The following PEX5L variants were observed in gnomAD, a reference collection of about 807,000 sequenced individuals.
PEX5L encodes PEX5-related protein.
In PEX5L, 30 loss-of-function variants were observed where a neutral mutation model predicts 84.0. The ratio of observed to expected loss-of-function variants is 0.36; its 90% CI spans 0.27 to 0.48. The LOEUF (loss-of-function observed/expected upper bound fraction) is 0.48, where lower values mean the gene tolerates loss of function less well. Ranked by LOEUF, PEX5L falls within the 20% of genes least tolerant of loss-of-function variation. The pLI, the probability that PEX5L is intolerant of heterozygous loss-of-function variation, is 0.99. For missense variants in PEX5L, 533 were observed against 754.6 expected (o/e 0.71, Z 3.44); for synonymous variants, 270 against 283.1 (o/e 0.95, Z 0.46).
Position 179,984,029 on chromosome 3 carries a change from G to T in PEX5L, c.22-12364C>A, listed in dbSNP as rs186365459. ...ATTCAAAGTGTAAGGGAGACCAATGGATGTTAACATAAAGAGTGTACCAAA... is the reference window on the plus strand; with the variant it reads ...ATTCAAAGTGTAAGGGAGACCAATGTATGTTAACATAAAGAGTGTACCAAA... On this transcript the variant is annotated intron_variant, in intron 1 of 14. Transcript: ENST00000467460. 3.9e-5 allele frequency among the ~76,000 whole-genome samples: 6 copies of T among 152,138 alleles called. No individual in the cohort carries two copies. The East Asian group carries it at 1.2e-3, about 29-fold the overall frequency.
At chr3:179,847,877 T>C (rs541939527) in intron 8 of PEX5L, among the ~76,000 whole-genome samples, 2 of 152,240 alleles carry the variant, frequency 1.3e-5, no homozygotes, top group South Asian at 4.1e-4. Flanking sequence ...TTTAGATCTT[T>C]TGTAGAGATA....
chr3:179,898,045 T>G, intron 3 of PEX5L, 97 bp downstream of exon 3: 1 of 682,160 alleles, frequency 1.5e-6, no homozygotes, highest in Non-Finnish European at 2.3e-6. Context: ...AAAAAATTGG[T>G]TCAAGAGTTA....
chr3:179,954,054 T>C (rs1779821521), intron 2 of PEX5L, among the ~76,000 whole-genome samples: 1 of 152,166 alleles, frequency 6.6e-6, no homozygotes, highest in Non-Finnish European at 1.5e-5. Context: ...TCTATAAATC[T>C]AAGGAGGGAT....
At chr3:179,819,999 G>A in intron 8 of PEX5L, 23 bp from the exon 9 acceptor site, 1 of 1,613,130 alleles carries the variant, frequency 6.2e-7, no homozygotes, top group Non-Finnish European at 8.5e-7. Flanking sequence ...AAAAATGAAT[G>A]GAGATGGATT....
At chr3:179,904,600 A>T (rs1180606580) in intron 2 of PEX5L, among the ~76,000 whole-genome samples, 5 of 152,220 alleles carry the variant, frequency 3.3e-5, no homozygotes, top group Non-Finnish European at 5.9e-5. Context: ...CCTTAAAAAA[A>T]TCATATTCTA....
intron 14 of PEX5L, among the ~76,000 whole-genome samples, chr3:179,803,031 G>C (rs12635468): frequency 0.24 from 36,996 of 151,954 alleles, 5,906 homozygotes; most frequent in East Asian, 0.62. Flanking sequence ...GAATCAATGA[G>C]GTCAAAATTA....
At chr3:179,909,192 A>T (rs146015620) in intron 2 of PEX5L, among the ~76,000 whole-genome samples, 2 of 152,242 alleles carry the variant, frequency 1.3e-5, no homozygotes, top group East Asian at 3.9e-4. Context: ...CAATTTACCC[A>T]TTTAACTGTT....
intron 1 of PEX5L, among the ~76,000 whole-genome samples, chr3:180,010,363 A>C (rs1358542340): frequency 2.7e-5 from 4 of 150,652 alleles, no homozygotes; most frequent in African/African-American, 9.9e-5. Context: ...TGTGTCTAAA[A>C]ATAGTTTTGA....
chr3:179,981,343 T>C (rs1786312447), intron 1 of PEX5L, among the ~76,000 whole-genome samples: 1 of 152,162 alleles, frequency 6.6e-6, no homozygotes, highest in South Asian at 2.1e-4. Flanking sequence ...AAGCCCACTC[T>C]GGCTAAAGGG....
chr3:179,874,187 A>G (rs953292036), intron 7 of PEX5L, 140 bp downstream of exon 7: 9 of 484,440 alleles, frequency 1.9e-5, no homozygotes, highest in Non-Finnish European at 2.9e-5. Flanking sequence ...AAGTATTGAG[A>G]TAGCTACTGA....
Position 179,952,617 on chromosome 3 carries a change from G to A in PEX5L, c.93+18977C>T, listed in dbSNP as rs929810554. 2.0e-5 allele frequency among the ~76,000 whole-genome samples: 3 copies of A among 152,126 alleles called. No individual in the cohort carries two copies. In the South Asian group the frequency reaches 6.2e-4, roughly 32 times the overall value. ...AAATAAGAGAGGACATAAACAAATA[G>A]AAAAACATTCCATGCTCATGGATAG... On this transcript the variant is annotated intron_variant, in intron 2 of 14. Coordinates refer to ENST00000467460, the MANE Select transcript of PEX5L (RefSeq NM_016559.3).
At chr3:179,870,002 C>T (rs1250168931) in intron 7 of PEX5L, among the ~76,000 whole-genome samples, 4 of 152,190 alleles carry the variant, frequency 2.6e-5, no homozygotes, top group Non-Finnish European at 5.9e-5. Flanking sequence ...TTGTGCCAAT[C>T]ATGGAGTTTT....
chr3:179,900,752 C>T (rs1217331837), intron 2 of PEX5L: 1 of 1,529,894 alleles, frequency 6.5e-7, no homozygotes, highest in Admixed American at 2.0e-5. Flanking sequence ...AGAGTCATGA[C>T]ACACCCATGT....
At chr3:179,879,108 C>G (rs1359347619) in intron 5 of PEX5L, among the ~76,000 whole-genome samples, 2 of 152,122 alleles carry the variant, frequency 1.3e-5, no homozygotes, top group Non-Finnish European at 2.9e-5. Flanking sequence ...ATACAATATT[C>G]ACCTCCCCAC....
At chr3:179,962,304 T>G (rs541740229) in intron 2 of PEX5L, among the ~76,000 whole-genome samples, 3 of 152,082 alleles carry the variant, frequency 2.0e-5, no homozygotes, top group African/African-American at 7.2e-5. Flanking sequence ...GTTACAGGAG[T>G]GGCTGAATGA....
intron 3 of PEX5L, among the ~76,000 whole-genome samples, chr3:179,892,453 T>C (rs757057653): frequency 3.9e-5 from 6 of 152,166 alleles, no homozygotes; most frequent in Non-Finnish European, 5.9e-5. Flanking sequence ...TGTGACTTCC[T>C]TTAGAGTAGA....
chr3:179,914,789 C>A (rs953794012), intron 2 of PEX5L, among the ~76,000 whole-genome samples: 2 of 152,290 alleles, frequency 1.3e-5, no homozygotes, highest in African/African-American at 4.8e-5. Context: ...AACTTTTGAT[C>A]TCTGTAGCTA....
intron 8 of PEX5L, among the ~76,000 whole-genome samples, chr3:179,840,177 G>GTT (rs1560319639): frequency 6.5e-5 from 7 of 107,872 alleles, no homozygotes; most frequent in African/African-American, 2.3e-4. Context: ...GTGTGTGTGT[G>GTT]TGTGTGTTTT....
At chr3:179,912,758 G>C (rs1765629608) in intron 2 of PEX5L, among the ~76,000 whole-genome samples, 1 of 152,030 alleles carries the variant, frequency 6.6e-6, no homozygotes, top group Admixed American at 6.6e-5. Flanking sequence ...CAAAAAACCT[G>C]ATTAACTAGC....
Sources: gnomAD v4.1 joint callset for allele counts (sites outside exome capture counted in the v4.1 genomes callset) on GRCh38, gnomAD v4.1.1 for gene constraint, MANE v1.5 for transcripts, NCBI Gene and HGNC (gene_info 2026-07-23, HGNC 2026-07-21) for gene names.